Variants in PML observed in about 807,000 individuals in gnomAD.
PML encodes protein PML.
Under a neutral mutation model 65.2 loss-of-function variants are expected in PML, and 28 were observed. The ratio of observed to expected loss-of-function variants is 0.43; its 90% CI spans 0.32 to 0.59. The LOEUF is 0.59. PML is among the 20% of genes least tolerant of loss of function. The pLI is 0.08. For missense variants in PML, 1,021 were observed against 1,203.4 expected, an observed-to-expected ratio of 0.85 and a Z score of 2.24; for synonymous variants, 500 against 508.8, an observed-to-expected ratio of 0.98 and a Z score of 0.23.
In PML at chr15:74,033,416, T is replaced by G; in HGVS notation, c.1657+2T>G. 1 of 1,611,968 alleles carries G rather than the reference T, an allele frequency of 6.2e-7. No individual in the cohort carries two copies. The highest frequency in any genetic ancestry group is 1.1e-5 in the South Asian group (1 of 91,056). ...TGGCCAGTGGCGCCGGGGAGGCAGG[T>G]AGGGAGGTGGGTAGGGCAGTGGCCT... On this transcript the variant is annotated splice_donor_variant, in intron 6 of 8. Transcript: ENST00000268058. LOFTEE classifies it high-confidence loss of function.
At chr15:74,020,312 T>C (rs1459559847) in intron 2 of PML, among the ~76,000 whole-genome samples, 1 of 135,950 alleles carries the variant, frequency 7.4e-6, no homozygotes, top group Non-Finnish European at 1.6e-5. Context: ...TTTTTTGAGA[T>C]GGAGTCTTGC....
At chr15:74,036,871 C>A in intron 7 of PML, 1 of 916,262 alleles carries the variant, frequency 1.1e-6, no homozygotes, top group Non-Finnish European at 1.3e-6. Flanking sequence ...CGAGCACTGT[C>A]GGTCCCTCAG....
intron 4 of PML, among the ~76,000 whole-genome samples, chr15:74,029,363 C>T (rs2071217578): frequency 6.6e-6 from 1 of 152,148 alleles, no homozygotes; most frequent in African/African-American, 2.4e-5. Context: ...GTGGCTCACG[C>T]CTGTAATCCT....
chr15:74,021,596 T>A (rs577566837), intron 2 of PML, among the ~76,000 whole-genome samples: 2 of 150,448 alleles, frequency 1.3e-5, no homozygotes, highest in Non-Finnish European at 3.0e-5. Context: ...AAAAAAAAAA[T>A]AACCAAATAA....
At chr15:74,007,122 A>C (rs1177385417) in intron 2 of PML, among the ~76,000 whole-genome samples, 1 of 152,172 alleles carries the variant, frequency 6.6e-6, no homozygotes, top group Non-Finnish European at 1.5e-5. Flanking sequence ...GTGGCTGTAA[A>C]ACTTCCCTGA....
intron 2 of PML, among the ~76,000 whole-genome samples, chr15:74,018,489 G>A (rs112452902): frequency 2.0e-5 from 3 of 151,966 alleles, no homozygotes; most frequent in African/African-American, 4.8e-5. Flanking sequence ...CATTTTCTAG[G>A]TATTTTGTAC....
chr15:74,036,441 C>T, intron 7 of PML: 2 of 1,275,004 alleles, frequency 1.6e-6, no homozygotes, highest in Non-Finnish European at 2.0e-6. Flanking sequence ...CCGATGGATC[C>T]AGCTCCTCCC....
At position 74,044,999 on chromosome 15, in the gene PML, G is replaced by A. The variant is rs767513249; in HGVS notation, c.2640G>A (p.Gln880=). The A allele has an allele frequency of 1.1e-5, 18 of 1,602,140 alleles. No individual in the cohort carries two copies. In the South Asian group the frequency reaches 2.0e-4, roughly 18 times the overall value. The change falls in exon 9 of 9, where the codon CAG becomes CAA. Residue 880 remains glutamine, a synonymous_variant. Transcript: ENST00000268058. ...AGRGLAERAS[Q]QS ...GTGGCTTGGCAGAGAGGGCCTCCCA[G>A]CAGAGCTGAGAGGAGGGGGTGACCA...
chr15:74,002,407 C>T (rs1402768025), intron 2 of PML, among the ~76,000 whole-genome samples: 2 of 142,768 alleles, frequency 1.4e-5, no homozygotes, highest in Non-Finnish European at 3.1e-5. Flanking sequence ...GTGTGTGTAT[C>T]TCCACGCTAT....
At chr15:74,019,235 C>T (rs946912501) in intron 2 of PML, among the ~76,000 whole-genome samples, 9 of 152,198 alleles carry the variant, frequency 5.9e-5, no homozygotes, top group Non-Finnish European at 7.4e-5. Context: ...CCATCCAGAA[C>T]GTCTTGCTCT....
chr15:74,024,428 A>G (rs2070983844), intron 3 of PML, among the ~76,000 whole-genome samples: 1 of 152,184 alleles, frequency 6.6e-6, no homozygotes, highest in Non-Finnish European at 1.5e-5. Flanking sequence ...AATAGCAGAG[A>G]GAAGGGTTAT....
At chr15:74,032,434 G>A (rs2071362582) in intron 4 of PML, 138 bp from the exon 5 acceptor site, 3 of 869,368 alleles carry the variant, frequency 3.5e-6, no homozygotes, top group Non-Finnish European at 5.7e-6. Flanking sequence ...TGTCCCCAGT[G>A]AGCTCGGAGC....
In PML at chr15:74,046,946, T is replaced by C; in HGVS notation, c.*1938T>C. The C allele has an allele frequency of 4.4e-6, 1 of 229,826 alleles. No individual in the cohort carries two copies. The highest frequency in any genetic ancestry group is 8.6e-6 in the Non-Finnish European group (1 of 115,844). 14.2% of individuals were successfully genotyped at this position (229,826 alleles called of 1,614,324 possible). The stretch of plus-strand genomic sequence containing the variant: ...AGCAGAGCTGAGAGCCCTTTGTTGC[T>C]CAATGCTGTGAGCCTTAAGCATGTG... On this transcript the variant is annotated 3_prime_UTR_variant, in exon 9 of 9. Coordinates refer to ENST00000268058, the MANE Select transcript of PML (RefSeq NM_033238.3).
chr15:74,033,251 G>T lies in PML; in HGVS notation c.1494G>T (p.Glu498Asp). Residue 498 changes from glutamate to aspartate, a missense_variant, in exon 6 of 9, where the codon GAG becomes GAT. Glu to Asp is a conservative substitution (Grantham distance 45). Coordinates refer to ENST00000268058, the MANE Select transcript of PML (RefSeq NM_033238.3). ...AGATGGAGTCTGAGGAGGGGAAGGAGGCAAGGTTGGCTCGGAGCTCCCCGG... is the reference window on the plus strand; with the variant it reads ...AGATGGAGTCTGAGGAGGGGAAGGATGCAAGGTTGGCTCGGAGCTCCCCGG... ...VIKMESEEGK[E>D]ARLARSSPEQ... 6.2e-7 allele frequency: 1 copy of T among 1,614,220 alleles called. No homozygotes were observed. Among genetic ancestry groups the T allele is most frequent in the South Asian group, 1.1e-5 (1 of 91,078 alleles).
intron 1 of PML, among the ~76,000 whole-genome samples, chr15:73,996,230 AG>A (rs1227914894): frequency 6.6e-6 from 1 of 152,228 alleles, no homozygotes. Flanking sequence ...TTTAAACCAT[AG>A]GGGAGGGAAA....
Position 74,047,475 on chromosome 15 carries a change from T to A in PML, c.*2467T>A. The A allele has an allele frequency of 4.4e-6, 1 of 226,168 alleles. No individual in the cohort carries two copies. The highest frequency in any genetic ancestry group is 8.8e-6 in the Non-Finnish European group (1 of 113,534). The allele number at this position is 226,168 out of a possible 1,614,324, so 14.0% of individuals were successfully genotyped here. A position where few individuals can be genotyped will look rare whatever the true frequency, so the allele number is the denominator to read the frequency against. ...ACCAAGAAGATCCAGTCCCAATATGTCACCTGTGCTTCATCTTTGGACTAT... is the reference window on the plus strand; with the variant it reads ...ACCAAGAAGATCCAGTCCCAATATGACACCTGTGCTTCATCTTTGGACTAT... On this transcript the variant is annotated 3_prime_UTR_variant, in exon 9 of 9. Coordinates refer to ENST00000268058, the MANE Select transcript of PML (RefSeq NM_033238.3).
intron 7 of PML, among the ~76,000 whole-genome samples, chr15:74,036,717 T>C (rs1567138907): frequency 1.3e-5 from 2 of 151,932 alleles, no homozygotes; most frequent in African/African-American, 4.8e-5. Flanking sequence ...CCAGATTTCT[T>C]CTCCCTGCTC....
At chr15:74,014,486 C>T (rs190594644) in intron 2 of PML, among the ~76,000 whole-genome samples, 1 of 151,860 alleles carries the variant, frequency 6.6e-6, no homozygotes, top group Non-Finnish European at 1.5e-5. Context: ...GTGCCCGCCA[C>T]CACACTCAGC....
At chr15:74,016,233 C>T (rs1002675537) in intron 2 of PML, among the ~76,000 whole-genome samples, 5 of 151,930 alleles carry the variant, frequency 3.3e-5, no homozygotes, top group African/African-American at 4.8e-5. Context: ...GCCGAGATTG[C>T]CCCACTTTAC....
Sources: gnomAD v4.1 joint callset for allele counts (sites outside exome capture counted in the v4.1 genomes callset) on GRCh38, gnomAD v4.1.1 for gene constraint, MANE v1.5 for transcripts, NCBI Gene and HGNC (gene_info 2026-07-23, HGNC 2026-07-21) for gene names.